Variants in FGF12 observed in about 807,000 individuals in gnomAD.
FGF12 encodes fibroblast growth factor 12.
FGF12 carries 14 observed loss-of-function variants against 23.6 expected under a neutral mutation model. The observed-to-expected ratio is 0.59, with a 90% CI of 0.39 to 0.93. The LOEUF (loss-of-function observed/expected upper bound fraction) is 0.93. Among genes scored for constraint, FGF12 ranks in the 40% least tolerant of loss-of-function variants. The pLI, the probability that FGF12 is intolerant of heterozygous loss-of-function variation, is 0.00. For synonymous variants in FGF12, 62 were observed against 77.3 expected, an observed-to-expected ratio of 0.80 and a Z score of 1.04; for missense variants, 175 against 217.8, an observed-to-expected ratio of 0.80 and a Z score of 1.24.
rs1273839085 is a variant in FGF12, at chr3:192,409,317, C to T, written c.14-48779G>A. On this transcript the variant is annotated intron_variant, in intron 2 of 5. Transcript: ENST00000445105. This position sits in a 1 kb window ranked among gnomAD's most constrained non-coding sequence, Gnocchi z 4.8. ...CGAAGGTGTCCTCTCCAGCTCGGCGCCCACACGCCTTTAACTGGAGCTCCC... is the reference window on the plus strand; with the variant it reads ...CGAAGGTGTCCTCTCCAGCTCGGCGTCCACACGCCTTTAACTGGAGCTCCC... 6.6e-6 allele frequency among the ~76,000 whole-genome samples: 1 copy of T among 152,180 alleles called. No homozygotes were observed. The highest frequency in any genetic ancestry group is 2.4e-5 in the African/African-American group (1 of 41,462).
At chr3:192,183,947 G>C (rs1414831648) in intron 4 of FGF12, among the ~76,000 whole-genome samples, 1 of 152,122 alleles carries the variant, frequency 6.6e-6, no homozygotes, top group Non-Finnish European at 1.5e-5. Context: ...TATAATCCAG[G>C]CATGGTGGCT....
intron 4 of FGF12, among the ~76,000 whole-genome samples, chr3:192,289,011 C>T (rs1294203056): frequency 6.6e-6 from 1 of 152,064 alleles, no homozygotes; most frequent in Middle Eastern, 3.2e-3. Context: ...GGAAACCACT[C>T]ACTGATACTC....
At chr3:192,303,327 G>T (rs548939719) in intron 4 of FGF12, among the ~76,000 whole-genome samples, 10 of 152,282 alleles carry the variant, frequency 6.6e-5, no homozygotes, top group African/African-American at 2.4e-4. Flanking sequence ...TCCTTGCCAG[G>T]TTAGGATACG....
At position 192,261,082 on chromosome 3, in the gene FGF12, C is replaced by T. The variant is rs182126268; in HGVS notation, c.228+74279G>A. On this transcript the variant is annotated intron_variant, in intron 4 of 5. Coordinates refer to ENST00000445105, the MANE Select transcript of FGF12 (RefSeq NM_004113.6). ...GAGACCGGCCACACACCACAGGGTA[C>T]GCAGGGGCTGAGGAAGGAGCCACAA... Among the ~76,000 whole-genome samples the T allele has an allele frequency of 4.2e-3, 635 of 152,060 alleles. 4 individuals are homozygous for T. The highest frequency in any genetic ancestry group is 0.014 in the Middle Eastern group (4 of 294).
chr3:192,550,589 G>C (rs1037384913), intron 2 of FGF12, among the ~76,000 whole-genome samples: 1 of 151,846 alleles, frequency 6.6e-6, no homozygotes, highest in Non-Finnish European at 1.5e-5. Context: ...CTTAAAAAAA[G>C]GAAGAGGGCC....
At chr3:192,380,907 CTA>C (rs1719787562) in intron 2 of FGF12, among the ~76,000 whole-genome samples, 1 of 150,470 alleles carries the variant, frequency 6.6e-6, no homozygotes. Flanking sequence ...AGTGTATATT[CTA>C]TTTATATAGA....
At chr3:192,567,513 AG>A (rs746529285) in intron 2 of FGF12, among the ~76,000 whole-genome samples, 31 of 152,132 alleles carry the variant, frequency 2.0e-4, no homozygotes, top group Non-Finnish European at 3.8e-4. Flanking sequence ...TTCATTTTCT[AG>A]GGCGGCTTTA....
At chr3:192,404,512 C>T (rs1450194438) in intron 2 of FGF12, among the ~76,000 whole-genome samples, 1 of 152,124 alleles carries the variant, frequency 6.6e-6, no homozygotes, top group Non-Finnish European at 1.5e-5. Context: ...GTAATTCATA[C>T]GGATGTACTA....
rs145367099 is a variant in FGF12, at chr3:192,577,232, T to C, written c.13+149949A>G. Among the ~76,000 whole-genome samples the C allele has an allele frequency of 6.7e-3, 1,021 of 152,294 alleles. 15 individuals carry two copies. The highest frequency in any genetic ancestry group is 0.023 in the African/African-American group (976 of 41,564). On this transcript the variant is annotated intron_variant, in intron 2 of 5. Transcript: ENST00000445105. Reference sequence around the variant, plus strand: ...AAAATAAATAAATAAATAATACTAATGGTAGCCATGCTCTTTCTGGTGGTG... The same window carrying C: ...AAAATAAATAAATAAATAATACTAACGGTAGCCATGCTCTTTCTGGTGGTG...
Position 192,356,829 on chromosome 3 carries a change from T to C in FGF12, c.124+3599A>G, listed in dbSNP as rs370707435. ...GAGAAAGAAAAGACATTTTAACAACTTAGAGGTTTATAATTTTTCTATGAA... is the reference window on the plus strand; with the variant it reads ...GAGAAAGAAAAGACATTTTAACAACCTAGAGGTTTATAATTTTTCTATGAA... On this transcript the variant is annotated intron_variant, in intron 3 of 5. Transcript: ENST00000445105. Among the ~76,000 whole-genome samples, 5 of 152,336 alleles carry C rather than the reference T, an allele frequency of 3.3e-5. No homozygotes were observed. The East Asian group carries it at 5.8e-4, about 18-fold the overall frequency.
At chr3:192,437,430 C>T (rs1722058496) in intron 2 of FGF12, among the ~76,000 whole-genome samples, 1 of 152,112 alleles carries the variant, frequency 6.6e-6, no homozygotes. Flanking sequence ...CCGTGGCTCA[C>T]GCCTGTAATC....
intron 2 of FGF12, among the ~76,000 whole-genome samples, chr3:192,502,554 G>C (rs748177005): frequency 6.6e-6 from 1 of 152,200 alleles, no homozygotes; most frequent in African/African-American, 2.4e-5. Flanking sequence ...ACATAGAAAT[G>C]TACAGATAAC....
intron 2 of FGF12, among the ~76,000 whole-genome samples, chr3:192,412,645 A>G (rs1721233288): frequency 6.6e-6 from 1 of 152,262 alleles, no homozygotes. Flanking sequence ...AGAGGTGAGT[A>G]TAAAGAAATT....
intron 2 of FGF12, among the ~76,000 whole-genome samples, chr3:192,693,016 AT>A (rs1203846658): frequency 6.6e-6 from 1 of 152,092 alleles, no homozygotes; most frequent in Non-Finnish European, 1.5e-5. Flanking sequence ...AAACTATCCT[AT>A]TTGCAGGTGA....
chr3:192,240,164 T>C (rs1719531985), intron 4 of FGF12, among the ~76,000 whole-genome samples: 1 of 152,164 alleles, frequency 6.6e-6, no homozygotes, highest in South Asian at 2.1e-4. Context: ...ACAAAACAGA[T>C]GCATTCATGC....
chr3:192,378,495 C>A (rs1719672418), intron 2 of FGF12, among the ~76,000 whole-genome samples: 1 of 152,026 alleles, frequency 6.6e-6, no homozygotes, highest in South Asian at 2.1e-4. Context: ...AATAGGTAAA[C>A]CTTAGATTAT....
chr3:192,312,407 ATT>A (rs201802624), intron 4 of FGF12, among the ~76,000 whole-genome samples: 11 of 132,522 alleles, frequency 8.3e-5, no homozygotes, highest in East Asian at 4.1e-4. Context: ...TTAGCCTTTA[ATT>A]TTTTTTTTTT....
At position 192,567,759 on chromosome 3, in the gene FGF12, TTC is replaced by T. The variant is rs769003379; in HGVS notation, c.13+159420_13+159421del. 6.6e-3 allele frequency among the ~76,000 whole-genome samples: 850 copies of T among 129,602 alleles called. 9 individuals carry two copies. The highest frequency in any genetic ancestry group is 0.023 in the African/African-American group (801 of 35,526). 85.0% of individuals were successfully genotyped at this position (129,602 alleles called of 152,430 possible). ...TCTCTTTCTTTCTTTCTTTCTTTCT[TTC>T]TTTCTTTCTTTCTTTCTTTCTTTCT... On this transcript the variant is annotated intron_variant, in intron 2 of 5. Transcript: ENST00000445105.
chr3:192,347,273 G>A (rs1718008322), intron 3 of FGF12, among the ~76,000 whole-genome samples: 1 of 152,148 alleles, frequency 6.6e-6, no homozygotes, highest in Non-Finnish European at 1.5e-5. Context: ...AAACCTTGCT[G>A]CTCAAAGTGT....
Sources: allele counts gnomAD v4.1 joint callset (sites outside exome capture counted in the v4.1 genomes callset), GRCh38; gene constraint gnomAD v4.1.1; non-coding constraint Gnocchi (gnomAD v3.1); transcripts MANE v1.5; gene names NCBI Gene and HGNC (gene_info 2026-07-23, HGNC 2026-07-21).